The following MAPK6 variants were observed in gnomAD, a reference collection of about 807,000 sequenced individuals.
The protein encoded by MAPK6 is ERK-3.
In MAPK6, 19 loss-of-function variants were observed where a neutral mutation model predicts 59.3. The observed-to-expected ratio is 0.32, with a 90% CI of 0.22 to 0.47. MAPK6 has a LOEUF of 0.47. Ranked by LOEUF, MAPK6 falls within the 20% of genes least tolerant of loss-of-function variation. The probability of loss-of-function intolerance (pLI) is 1.00; values close to 1 mark genes in which losing one functional copy is unlikely to be tolerated. For synonymous variants in MAPK6, 316 were observed against 290.3 expected, an observed-to-expected ratio of 1.09 and a Z score of -0.90; for missense variants, 724 against 847.9, an observed-to-expected ratio of 0.85 and a Z score of 1.81.
chr15:52,005,787 G>A (rs903629601), intron 3 of MAPK6, among the ~76,000 whole-genome samples: 1 of 152,110 alleles, frequency 6.6e-6, no homozygotes, highest in Admixed American at 6.6e-5. Flanking sequence ...TGGCAGAACT[G>A]GGGCTTACAC....
At chr15:51,986,162 G>A (rs7169510) in intron 2 of MAPK6, among the ~76,000 whole-genome samples, 4,732 of 152,204 alleles carry the variant, frequency 0.031, 239 homozygotes, top group African/African-American at 0.11. Flanking sequence ...AAAAAGTGAA[G>A]GGGGAAGTGC....
intron 3 of MAPK6, among the ~76,000 whole-genome samples, chr15:52,054,522 T>A (rs1203995644): frequency 6.6e-6 from 1 of 152,202 alleles, no homozygotes; most frequent in African/African-American, 2.4e-5. Flanking sequence ...GTAAAATATC[T>A]TTTTGTGACC....
intron 1 of MAPK6, among the ~76,000 whole-genome samples, chr15:51,974,658 C>CAAA (rs765698138): frequency 1.5e-4 from 5 of 32,912 alleles, no homozygotes; most frequent in Non-Finnish European, 1.7e-4. Context: ...GACTCCGTCT[C>CAAA]AAAAAAAAAA....
chr15:52,056,891 G>A (rs74013656), intron 3 of MAPK6: 8,681 of 151,902 alleles, frequency 0.057, 480 homozygotes, highest in African/African-American at 0.14. Context: ...CTGACCTCTC[G>A]TCTGAATTCC....
At chr15:52,052,716 G>A (rs894396397) in intron 3 of MAPK6, among the ~76,000 whole-genome samples, 1 of 152,176 alleles carries the variant, frequency 6.6e-6, no homozygotes, top group South Asian at 2.1e-4. Context: ...TGTGGCATAT[G>A]TTAGTACTTT....
At chr15:51,981,471 C>CA (rs35487339) in intron 1 of MAPK6, among the ~76,000 whole-genome samples, 49,429 of 117,608 alleles carry the variant, frequency 0.42, 8,846 homozygotes, top group Middle Eastern at 0.5. Context: ...GACTCCGTCT[C>CA]AAAAAAAAAA....
intron 2 of MAPK6, among the ~76,000 whole-genome samples, chr15:52,000,517 C>A (rs544780904): frequency 7.9e-5 from 12 of 152,082 alleles, no homozygotes; most frequent in Non-Finnish European, 2.9e-5. Flanking sequence ...TTTTAAAAAA[C>A]TTTTCAATAG....
At chr15:52,011,909 G>T (rs2030068627) in intron 3 of MAPK6, among the ~76,000 whole-genome samples, 1 of 152,206 alleles carries the variant, frequency 6.6e-6, no homozygotes, top group African/African-American at 2.4e-5. Context: ...GCTTCAAGTT[G>T]GAGACCATGG....
rs1054713800 is a variant in MAPK6 at position 52,019,607 on chromosome 15, CGCGGGCGG to C, written c.-632+240_-632+247del. On this transcript the variant is annotated intron_variant, in intron 1 of 5. Coordinates refer to ENST00000261845, the MANE Select transcript of MAPK6 (RefSeq NM_002748.4). ...CTCGGGCCTGGCCGGCGCGTCCCCGCGCGGGCGGGCGGGCGGCGGGCTGGGGTCCCCGC... is the reference window on the plus strand; with the variant it reads ...CTCGGGCCTGGCCGGCGCGTCCCCGCGCGGGCGGCGGGCTGGGGTCCCCGC... 1.6e-4 allele frequency among the ~76,000 whole-genome samples: 23 copies of C among 146,252 alleles called. 1 individual carries two copies. In the East Asian group the frequency reaches 4.4e-3, roughly 28 times the overall value.
chr15:52,047,064 A>G, intron 2 of MAPK6, 49 bp downstream of exon 2: 1 of 1,297,854 alleles, frequency 7.7e-7, no homozygotes, highest in Non-Finnish European at 1.0e-6. Context: ...GATACACCTA[A>G]TCAGGAATAG....
At chr15:52,019,144 C>T (rs1179226627), upstream of MAPK6, 1 of 152,192 alleles carries the variant, frequency 6.6e-6, no homozygotes, top group Non-Finnish European at 1.5e-5. Flanking sequence ...GTGCGCTGGG[C>T]AGGGCGGGGG....
intron 2 of MAPK6, among the ~76,000 whole-genome samples, chr15:51,990,813 G>A (rs913231250): frequency 6.6e-6 from 1 of 152,206 alleles, no homozygotes; most frequent in African/African-American, 2.4e-5. Context: ...AATTAGCCAG[G>A]CATGGTGGCG....
In MAPK6 at chr15:52,065,292, T is replaced by TTTG. The variant is rs2141139908; in HGVS notation, c.*294_*295insGTT. 1 of 250,710 alleles carries TTTG rather than the reference T, an allele frequency of 4.0e-6. No individual in the cohort carries two copies. The highest frequency in any genetic ancestry group is 7.6e-6 in the Non-Finnish European group (1 of 132,092). The allele number at this position is 250,710 out of a possible 1,614,324, so 15.5% of individuals were successfully genotyped here. On this transcript the variant is annotated 3_prime_UTR_variant, in exon 6 of 6. Transcript: ENST00000261845. Reference sequence around the variant, plus strand: ...CATTCTCTCATAGAACATTGATCTGTTTTACAGGAAACAAACCTTGCCTTG... The same window carrying TTTG: ...CATTCTCTCATAGAACATTGATCTGTTTGTTTACAGGAAACAAACCTTGCCTTG...
intron 2 of MAPK6, among the ~76,000 whole-genome samples, chr15:51,984,470 T>TC (rs2057184464): frequency 7.1e-6 from 1 of 140,096 alleles, no homozygotes; most frequent in Non-Finnish European, 1.5e-5. Context: ...TTTTTTTTTT[T>TC]TTTTTTGTAT....
intron 1 of MAPK6, chr15:52,024,580 TA>T (rs2030677463): frequency 6.6e-6 from 1 of 152,136 alleles, no homozygotes; most frequent in Admixed American, 6.6e-5. Context: ...TTTGTGTTTT[TA>T]GTAGAGACGG....
chr15:52,028,646 G>C (rs1422110637), intron 1 of MAPK6, among the ~76,000 whole-genome samples: 1 of 152,224 alleles, frequency 6.6e-6, no homozygotes, highest in South Asian at 2.1e-4. Context: ...CTATTGGACA[G>C]TGCAGATATA....
At chr15:51,972,124 A>C (rs2057131206) in intron 1 of MAPK6, among the ~76,000 whole-genome samples, 1 of 151,160 alleles carries the variant, frequency 6.6e-6, no homozygotes, top group African/African-American at 2.4e-5. Flanking sequence ...CAGTTATTTC[A>C]TCCCAAACCC....
Position 52,063,941 on chromosome 15 carries a change from A to G in MAPK6, c.1107A>G (p.Val369=), listed in dbSNP as rs754475946. 1.9e-6 allele frequency: 3 copies of G among 1,596,912 alleles called. No individual in the cohort carries two copies. Among genetic ancestry groups the G allele is most frequent in the African/African-American group, 2.7e-5 (2 of 74,388 alleles). ...AGTTTTCAGAGCATGATTGGCCTGT[A>G]CATAACAACTTTGATATTGATGAAG... ...DCQFSEHDWP[V]HNNFDIDEVQ... Residue 369 remains valine, a synonymous_variant, in exon 6 of 6, where the codon GTA becomes GTG. Transcript: ENST00000261845.
intron 2 of MAPK6, among the ~76,000 whole-genome samples, chr15:51,999,698 C>A (rs1013576238): frequency 1.3e-5 from 2 of 152,114 alleles, no homozygotes; most frequent in Non-Finnish European, 1.5e-5. Flanking sequence ...GGCTGGAATG[C>A]AGTGGTGCGA....
Sources: allele counts gnomAD v4.1 joint callset (sites outside exome capture counted in the v4.1 genomes callset), GRCh38; gene constraint gnomAD v4.1.1; transcripts MANE v1.5; gene names NCBI Gene and HGNC (gene_info 2026-07-23, HGNC 2026-07-21).